The following POFUT3 variants were observed in gnomAD, a reference collection of about 807,000 sequenced individuals.
POFUT3 encodes the protein protein O-fucosyltransferase 3, also known as GDP-fucose protein O-fucosyltransferase 3.
the POFUT3 span, among the ~76,000 whole-genome samples, chr8:33,403,242 CAT>C: frequency 6.6e-6 from 1 of 150,502 alleles, no homozygotes; most frequent in African/African-American, 2.4e-5. Flanking sequence ...GATTTTTTTC[CAT>C]ATGTGTGCAT....
At chr8:33,362,187 T>C in the POFUT3 span, among the ~76,000 whole-genome samples, 2 of 151,998 alleles carry the variant, frequency 1.3e-5, no homozygotes, top group African/African-American at 4.8e-5. Context: ...AAGTGAAGGA[T>C]AAATAAAGTC....
the POFUT3 span, among the ~76,000 whole-genome samples, chr8:33,393,103 C>T: frequency 1.2e-3 from 184 of 152,262 alleles, 1 homozygote; most frequent in African/African-American, 4.0e-3. Flanking sequence ...TTGGATGTGG[C>T]TCAGAAAAAA....
the POFUT3 span, among the ~76,000 whole-genome samples, chr8:33,426,482 G>A: frequency 6.6e-6 from 1 of 152,192 alleles, no homozygotes. Context: ...ATTGTTCATT[G>A]ACAAGCTTAC....
At chr8:33,426,376 TA>T in the POFUT3 span, among the ~76,000 whole-genome samples, 582 of 152,294 alleles carry the variant, frequency 3.8e-3, 4 homozygotes, top group African/African-American at 0.013. Context: ...GTGTTGACCA[TA>T]AGCTATGAGG....
At chr8:33,310,761 C>A in the POFUT3 span, among the ~76,000 whole-genome samples, 1 of 151,980 alleles carries the variant, frequency 6.6e-6, no homozygotes, top group Non-Finnish European at 1.5e-5. Context: ...CCATTTCCAT[C>A]TATTCTCCTG....
the POFUT3 span, among the ~76,000 whole-genome samples, chr8:33,385,117 G>C: frequency 2.8e-3 from 423 of 152,302 alleles, 2 homozygotes; most frequent in African/African-American, 9.6e-3. Flanking sequence ...ACCTAGACTA[G>C]ATACAGGAAC....
chr8:33,363,160 T>G, the POFUT3 span, among the ~76,000 whole-genome samples: 2 of 152,198 alleles, frequency 1.3e-5, no homozygotes, highest in Non-Finnish European at 2.9e-5. Context: ...AATCTGCTCC[T>G]GAATGACTAC....
At chr8:33,316,061 T>G in the POFUT3 span, among the ~76,000 whole-genome samples, 1 of 152,118 alleles carries the variant, frequency 6.6e-6, no homozygotes. Flanking sequence ...ACATAGCAAG[T>G]GCTAATTAAG....
the POFUT3 span, among the ~76,000 whole-genome samples, chr8:33,468,697 C>G: frequency 6.6e-6 from 1 of 152,170 alleles, no homozygotes; most frequent in African/African-American, 2.4e-5. Context: ...CTGATTACTC[C>G]AAAGTGCCCA....
the POFUT3 span, among the ~76,000 whole-genome samples, chr8:33,417,416 G>A: frequency 6.6e-6 from 1 of 152,088 alleles, no homozygotes; most frequent in Admixed American, 6.6e-5. Flanking sequence ...CCGCCCCACA[G>A]TCTGTGGAAA....
At chr8:33,406,277 A>G in the POFUT3 span, among the ~76,000 whole-genome samples, 3 of 152,212 alleles carry the variant, frequency 2.0e-5, no homozygotes, top group Non-Finnish European at 4.4e-5. Flanking sequence ...AAAAACAAAT[A>G]TATATCTATG....
At chr8:33,330,279 A>C in the POFUT3 span, among the ~76,000 whole-genome samples, 1 of 152,150 alleles carries the variant, frequency 6.6e-6, no homozygotes, top group Admixed American at 6.5e-5. Context: ...CCCCATCTCA[A>C]CTAAAAATGC....
At chr8:33,308,657 C>T in the POFUT3 span, among the ~76,000 whole-genome samples, 14 of 152,222 alleles carry the variant, frequency 9.2e-5, 1 homozygote, top group East Asian at 5.8e-4. Context: ...TGCACTGTTT[C>T]GGAGAAATCT....
the POFUT3 span, among the ~76,000 whole-genome samples, chr8:33,327,927 T>C: frequency 1.3e-5 from 2 of 152,206 alleles, no homozygotes; most frequent in Non-Finnish European, 2.9e-5. Flanking sequence ...GGCTTTGTCA[T>C]GTCTCATGGC....
At chr8:33,384,352 ATTCC>A in the POFUT3 span, among the ~76,000 whole-genome samples, 1 of 152,204 alleles carries the variant, frequency 6.6e-6, no homozygotes, top group African/African-American at 2.4e-5. Context: ...ATAAGGCACA[ATTCC>A]TTGAGGAGAA....
the POFUT3 span, among the ~76,000 whole-genome samples, chr8:33,337,989 A>G: frequency 6.6e-6 from 1 of 152,188 alleles, no homozygotes. Flanking sequence ...AATACTTCCA[A>G]ACTCATTCTA....
chr8:33,372,081 A>C, the POFUT3 span: 4 of 883,738 alleles, frequency 4.5e-6, no homozygotes, highest in Non-Finnish European at 5.4e-6. Context: ...ATAGTGGATA[A>C]ACTTGAAACA....
At chr8:33,462,754 AC>A in the POFUT3 span, among the ~76,000 whole-genome samples, 1 of 151,954 alleles carries the variant, frequency 6.6e-6, no homozygotes, top group Non-Finnish European at 1.5e-5. Flanking sequence ...ACATAGTGAA[AC>A]CCTGTCTGCA....
chr8:33,457,243 T>C, the POFUT3 span, among the ~76,000 whole-genome samples: 3 of 151,944 alleles, frequency 2.0e-5, no homozygotes, highest in African/African-American at 2.4e-5. Flanking sequence ...AGGTCAGGAG[T>C]TCGAGACCAG....
Sources: gnomAD v4.1 joint callset for allele counts (sites outside exome capture counted in the v4.1 genomes callset) on GRCh38, gnomAD v4.1.1 for gene constraint, MANE v1.5 for transcripts, NCBI Gene and HGNC (gene_info 2026-07-23, HGNC 2026-07-21) for gene names.